The following ATP2B2 variants were observed in gnomAD, a reference collection of about 807,000 sequenced individuals.
The protein encoded by ATP2B2 is plasma membrane calcium-transporting ATPase 2.
ATP2B2 carries 15 observed loss-of-function variants against 120.0 expected under a neutral mutation model. The ratio of observed to expected loss-of-function variants is 0.12; its 90% confidence interval spans 0.08 to 0.19. The LOEUF is 0.19. Ranked by LOEUF, ATP2B2 falls within the 10% of genes least tolerant of loss-of-function variation. The pLI, the probability that ATP2B2 is intolerant of heterozygous loss-of-function variation, is 1.00. For missense variants in ATP2B2, 1,045 were observed against 1,719.8 expected (o/e 0.61, Z 6.94); for synonymous variants, 694 against 700.3 (o/e 0.99, Z 0.14).
chr3:10,685,091 T>C (rs2071486202), intron 1 of ATP2B2, among the ~76,000 whole-genome samples: 2 of 152,224 alleles, frequency 1.3e-5, no homozygotes, highest in African/African-American at 2.4e-5. Flanking sequence ...TCTCCTTCTC[T>C]GAGGTTCTTC....
intron 1 of ATP2B2, among the ~76,000 whole-genome samples, chr3:10,452,829 T>C (rs937200441): frequency 1.3e-5 from 2 of 152,204 alleles, no homozygotes; most frequent in African/African-American, 4.8e-5. Context: ...AACTTGGGAC[T>C]GACCTGGAGC....
chr3:10,606,427 C>T lies in ATP2B2; in HGVS notation c.-415+13490G>A, dbSNP rs138060775. Among the ~76,000 whole-genome samples, 769 of 152,202 alleles carry T rather than the reference C, an allele frequency of 5.1e-3. 12 individuals are homozygous for T. Among genetic ancestry groups the T allele is most frequent in the Non-Finnish European group, 4.3e-3 (294 of 68,006 alleles). On this transcript the variant is annotated intron_variant, in intron 2 of 21. Coordinates refer to the ATP2B2 transcript ENST00000646379. ...AAGCTGTAGTCCGCACCATCTAACCCCAAGATCTCAGCCCCTGACCAGGGG... is the reference window on the plus strand; with the variant it reads ...AAGCTGTAGTCCGCACCATCTAACCTCAAGATCTCAGCCCCTGACCAGGGG...
chr3:10,690,802 GA>G (rs1360941768), intron 1 of ATP2B2, among the ~76,000 whole-genome samples: 10 of 152,260 alleles, frequency 6.6e-5, no homozygotes, highest in African/African-American at 1.9e-4. Context: ...TGAATTATAT[GA>G]ATTATATGAA....
chr3:10,368,502 C>T (rs998562405), intron 12 of ATP2B2, among the ~76,000 whole-genome samples: 17 of 152,056 alleles, frequency 1.1e-4, no homozygotes, highest in Admixed American at 7.9e-4. Context: ...CCATTCCATT[C>T]CATCAAGCAA....
intron 1 of ATP2B2, among the ~76,000 whole-genome samples, chr3:10,491,383 G>A (rs2065929814): frequency 1.3e-5 from 2 of 152,054 alleles, no homozygotes; most frequent in African/African-American, 2.4e-5. Flanking sequence ...ATACCACCAT[G>A]CCCGGCTAAT....
At chr3:10,533,329 G>T (rs1271478033) in intron 3 of ATP2B2, among the ~76,000 whole-genome samples, 1 of 152,144 alleles carries the variant, frequency 6.6e-6, no homozygotes, top group Non-Finnish European at 1.5e-5. Context: ...CACCTAGAAG[G>T]TCTATTCATT....
intron 2 of ATP2B2, among the ~76,000 whole-genome samples, chr3:10,569,009 C>T (rs2068068230): frequency 1.3e-5 from 2 of 152,234 alleles, no homozygotes; most frequent in South Asian, 2.1e-4. Flanking sequence ...TATGCAGACT[C>T]TTCCCCATCT....
chr3:10,328,725 G>A lies in ATP2B2; in HGVS notation c.*89C>T. 1 of 1,355,748 alleles carries A rather than the reference G, an allele frequency of 7.4e-7. No homozygotes were observed. Among genetic ancestry groups the A allele is most frequent in the Non-Finnish European group, 1.0e-6 (1 of 993,826 alleles). The allele number at this position is 1,355,748 out of a possible 1,614,324, so 84.0% of individuals were successfully genotyped here. ...CCGATTGTTGCTCGTTGCTGCTTGG[G>A]TGAGTTGGGTGCCTGGATGGATGGG... On this transcript the variant is annotated 3_prime_UTR_variant, in exon 23 of 23. Coordinates refer to ENST00000360273, the MANE Select transcript of ATP2B2 (RefSeq NM_001001331.4).
chr3:10,696,547 T>G (rs1233929870), intron 1 of ATP2B2, among the ~76,000 whole-genome samples: 1 of 152,208 alleles, frequency 6.6e-6, no homozygotes, highest in East Asian at 1.9e-4. Flanking sequence ...CTGCCTGGAC[T>G]TGCTGACTCT....
chr3:10,471,438 ATGTG>A (rs911605822), intron 1 of ATP2B2, among the ~76,000 whole-genome samples: 4 of 149,754 alleles, frequency 2.7e-5, no homozygotes, highest in Admixed American at 1.3e-4. Flanking sequence ...GCATGTGCAG[ATGTG>A]TGTGTGTGTG....
At chr3:10,530,810 C>T (rs956490942) in intron 3 of ATP2B2, among the ~76,000 whole-genome samples, 1 of 152,210 alleles carries the variant, frequency 6.6e-6, no homozygotes, top group African/African-American at 2.4e-5. Flanking sequence ...GCTTTGTAAA[C>T]TGGTGTTGAT....
chr3:10,488,231 A>ATCCATCCATCCAT, intron 1 of ATP2B2, among the ~76,000 whole-genome samples: 1 of 122,776 alleles, frequency 8.1e-6, no homozygotes, highest in Admixed American at 7.7e-5. Flanking sequence ...CCACTCATCC[A>ATCCATCCATCCAT]CCTATCCATC....
chr3:10,433,411 G>C (rs1357011324), intron 2 of ATP2B2, among the ~76,000 whole-genome samples: 1 of 152,144 alleles, frequency 6.6e-6, no homozygotes, highest in African/African-American at 2.4e-5. Context: ...TTCTGATACT[G>C]TGATTTCTCC....
chr3:10,369,721 C>T (rs2061171397), intron 12 of ATP2B2, among the ~76,000 whole-genome samples: 1 of 152,190 alleles, frequency 6.6e-6, no homozygotes, highest in Non-Finnish European at 1.5e-5. Context: ...CTCCCCCTCC[C>T]CTAGGAAACT....
upstream of ATP2B2, chr3:10,505,803 G>A (rs1201002425): frequency 6.8e-6 from 1 of 148,116 alleles, no homozygotes; most frequent in South Asian, 2.2e-4. Flanking sequence ...GGGGCGGGGG[G>A]GGTGTGTGGA....
chr3:10,350,287 C>A, intron 15 of ATP2B2, 88 bp from the exon 16 acceptor site: 3 of 1,584,050 alleles, frequency 1.9e-6, no homozygotes, highest in Non-Finnish European at 2.6e-6. Flanking sequence ...CCCAGAGTCA[C>A]TGGGCTCTTA....
intron 2 of ATP2B2, among the ~76,000 whole-genome samples, chr3:10,560,723 C>G (rs1262537449): frequency 6.6e-6 from 1 of 152,180 alleles, no homozygotes; most frequent in African/African-American, 2.4e-5. Context: ...AGGACTGCCC[C>G]CTGTGATACA....
At chr3:10,682,486 C>T (rs2071406564) in intron 1 of ATP2B2, among the ~76,000 whole-genome samples, 1 of 152,210 alleles carries the variant, frequency 6.6e-6, no homozygotes, top group African/African-American at 2.4e-5. Context: ...GTGACAGTGA[C>T]AATGCTTCTC....
chr3:10,480,706 T>C (rs555520805), intron 1 of ATP2B2, among the ~76,000 whole-genome samples: 1 of 152,306 alleles, frequency 6.6e-6, no homozygotes, highest in South Asian at 2.1e-4. Flanking sequence ...TTCTCGCCAT[T>C]TCCCCTTCTG....
Sources: gnomAD v4.1 joint callset for allele counts (sites outside exome capture counted in the v4.1 genomes callset) on GRCh38, gnomAD v4.1.1 for gene constraint, MANE v1.5 for transcripts, NCBI Gene and HGNC (gene_info 2026-07-23, HGNC 2026-07-21) for gene names.